The following COL6A1 variants were observed in gnomAD, a reference collection of about 807,000 sequenced individuals.
COL6A1 encodes collagen alpha-1(VI) chain.
COL6A1 carries 80 observed loss-of-function variants against 145.6 expected under a neutral mutation model. The observed-to-expected ratio is 0.55, with a 90% confidence interval of 0.46 to 0.66. The LOEUF is 0.66. COL6A1 is among the 30% of genes least tolerant of loss of function. The pLI is 0.00. For missense variants in COL6A1, 1,364 were observed against 1,473.8 expected, an observed-to-expected ratio of 0.93 and a Z score of 1.22; for synonymous variants, 638 against 622.8, an observed-to-expected ratio of 1.02 and a Z score of -0.36.
At chr21:45,999,542 C>T in intron 26 of COL6A1, 115 bp from the exon 27 acceptor site, 1 of 1,142,168 alleles carries the variant, frequency 8.8e-7, no homozygotes, top group Non-Finnish European at 1.3e-6. Context: ...TAGGGAGGGA[C>T]CGGGCAGGGG....
intron 17 of COL6A1, 30 bp downstream of exon 17, chr21:45,992,247 G>T (rs770548622): frequency 6.2e-7 from 1 of 1,613,660 alleles, no homozygotes; most frequent in East Asian, 2.2e-5. Context: ...ACCTTCCTGG[G>T]GAAGTGCATG....
chr21:46,004,986 CTG>C lies in COL6A1; in HGVS notation c.*977_*978del, dbSNP rs2077873042. On this transcript the variant is annotated 3_prime_UTR_variant, in exon 35 of 35. Transcript: ENST00000361866. The stretch of plus-strand genomic sequence containing the variant: ...TATGTTCATGTTAGTTTTGCTCCTT[CTG>C]TGTTTTTTTCTGAACCATATCCATG... The C allele has an allele frequency of 6.5e-6, 1 of 153,466 alleles. No homozygotes were observed. Among genetic ancestry groups the C allele is most frequent in the Non-Finnish European group, 1.5e-5 (1 of 68,698 alleles). 9.5% of individuals were successfully genotyped at this position (153,466 alleles called of 1,614,324 possible).
chr21:45,994,052 A>G lies in COL6A1; in HGVS notation c.1336-115A>G, dbSNP rs767276790. On this transcript the variant is annotated intron_variant, in intron 19 of 34. Transcript: ENST00000361866. The surrounding 1 kb of genome is among the most constrained non-coding windows in gnomAD (Gnocchi z 6.8). ...CAGGAAGGGGCTGTGCGGGGAGGGA[A>G]GGCCGGAACAGCCCAGTGACCACCT... 4 of 1,058,400 alleles carry G rather than the reference A, an allele frequency of 3.8e-6. No homozygotes were observed. The highest frequency in any genetic ancestry group is 5.7e-6 in the Non-Finnish European group (4 of 699,534). 65.6% of individuals were successfully genotyped at this position (1,058,400 alleles called of 1,614,324 possible). A position where few individuals can be genotyped will look rare whatever the true frequency, so the allele number is the denominator to read the frequency against.
intron 24 of COL6A1, among the ~76,000 whole-genome samples, chr21:45,998,668 C>A (rs1272983798): frequency 6.6e-6 from 1 of 152,204 alleles, no homozygotes; most frequent in African/African-American, 2.4e-5. Flanking sequence ...GCCCTGACTG[C>A]CCGGTGACCG....
In COL6A1 at chr21:46,000,706, G is replaced by T. The variant is rs370649253; in HGVS notation, c.1814-53G>T. 7.0e-4 allele frequency: 1,122 copies of T among 1,613,450 alleles called. 10 individuals are homozygous for T. In the African/African-American group the frequency reaches 0.013, roughly 19 times the overall value. ...CCCCAAGAGTAAAAGCCTTTCTGACGTGCGCAGGACGCGGCCCTGACTGGT... is the reference window on the plus strand; with the variant it reads ...CCCCAAGAGTAAAAGCCTTTCTGACTTGCGCAGGACGCGGCCCTGACTGGT... On this transcript the variant is annotated intron_variant, in intron 28 of 34. Coordinates refer to ENST00000361866, the MANE Select transcript of COL6A1 (RefSeq NM_001848.3).
At position 46,003,898 on chromosome 21, in the gene COL6A1, C is replaced by T. The variant is rs146202983; in HGVS notation, c.2972C>T (p.Thr991Met). 28 of 1,601,952 alleles carry T rather than the reference C, an allele frequency of 1.7e-5. No individual in the cohort carries two copies. Among genetic ancestry groups the T allele is most frequent in the African/African-American group, 6.7e-5 (5 of 74,890 alleles). ...PHIRVLVTGK[T>M]AEYDVAYGES... ...ATCCGCGTCCTGGTCACCGGCAAGA[C>T]GGCCGAGTACGACGTGGCCTACGGC... Residue 991 changes from threonine (T) to methionine (M), a missense_variant, in exon 35 of 35, where the codon ACG (threonine) becomes ATG (methionine). By Grantham distance (81) the Thr-to-Met change is moderately conservative. This residue lies in a region of COL6A1 where 938 missense variants were observed against 1,003.8 expected (regional missense o/e 0.93). Coordinates refer to ENST00000361866, the MANE Select transcript of COL6A1 (RefSeq NM_001848.3).
rs1250467579 is a variant in COL6A1 at position 45,994,997 on chromosome 21, C to T, written c.1398+768C>T. Among the ~76,000 whole-genome samples, 4 of 152,258 alleles carry T rather than the reference C, an allele frequency of 2.6e-5. No individual in the cohort carries two copies. The highest frequency in any genetic ancestry group is 5.9e-5 in the Non-Finnish European group (4 of 68,050). On this transcript the variant is annotated intron_variant, in intron 20 of 34. Coordinates refer to ENST00000361866, the MANE Select transcript of COL6A1 (RefSeq NM_001848.3). This position sits in a 1 kb window ranked among gnomAD's most constrained non-coding sequence, Gnocchi z 6.8. ...CGAGCACAAGGCCAGACCCTGGGCA[C>T]GGCAGCTGTCTCAGACGTCCAGCAA... is the stretch of plus-strand genomic sequence containing the variant.
chr21:45,986,758 G>T (rs1456190816), intron 4 of COL6A1, 73 bp downstream of exon 4: 2 of 1,528,208 alleles, frequency 1.3e-6, no homozygotes. Flanking sequence ...CGGCAGCTGG[G>T]ACCGTCTTTT....
chr21:45,990,647 G>A (rs1289789575), intron 13 of COL6A1, 126 bp from the exon 14 acceptor site: 1 of 885,252 alleles, frequency 1.1e-6, no homozygotes, highest in Non-Finnish European at 1.9e-6. Context: ...ACCCCAGGGG[G>A]GTGTCTGCTA....
chr21:46,001,522 C>G (rs1412743635), intron 30 of COL6A1, 136 bp downstream of exon 30: 3 of 1,234,916 alleles, frequency 2.4e-6, no homozygotes, highest in African/African-American at 2.9e-5. Context: ...GACAAGGATG[C>G]CAGGCACGCG....
intron 5 of COL6A1, 37 bp from the exon 6 acceptor site, chr21:45,987,118 G>T (rs1323312912): frequency 1.9e-6 from 3 of 1,584,230 alleles, no homozygotes; most frequent in Non-Finnish European, 2.6e-6. Flanking sequence ...GCGGCCGCAG[G>T]TGGAAAGTAA....
chr21:45,999,299 G>A, intron 26 of COL6A1, 81 bp downstream of exon 26: 1 of 1,381,430 alleles, frequency 7.2e-7, no homozygotes. Context: ...GCTGGAAGAG[G>A]CTGGGAGAGT....
In COL6A1 at chr21:45,994,301, A is replaced by C; in HGVS notation, c.1398+72A>C. 205 of 1,373,534 alleles carry C rather than the reference A, an allele frequency of 1.5e-4. No homozygotes were observed. The highest frequency in any genetic ancestry group is 1.9e-4 in the Non-Finnish European group (190 of 983,094). 85.1% of individuals were successfully genotyped at this position (1,373,534 alleles called of 1,614,324 possible). ...GGGGGTAGAAGTGCTCCAGCAGCTC[A>C]CGCACTGGGGGTCTGTTCATTTCCG... On this transcript the variant is annotated intron_variant, in intron 20 of 34. Transcript: ENST00000361866. This position sits in a 1 kb window ranked among gnomAD's most constrained non-coding sequence, Gnocchi z 6.8.
intron 4 of COL6A1, 80 bp from the exon 5 acceptor site, chr21:45,986,864 T>TC: frequency 6.5e-7 from 1 of 1,531,694 alleles, no homozygotes; most frequent in South Asian, 1.2e-5. Flanking sequence ...CAGCCCAGCC[T>TC]CCCCTCTGGC....
chr21:45,984,234 G>A lies in COL6A1; in HGVS notation c.228-35G>A, dbSNP rs753899785. On this transcript the variant is annotated intron_variant, in intron 2 of 34. Transcript: ENST00000361866. Reference sequence around the variant, plus strand: ...ACGGGTAGCGATGGCGCCAGGGGCCGCCCGCCTCACGCCCGCCGTGCCTGT... The same window carrying A: ...ACGGGTAGCGATGGCGCCAGGGGCCACCCGCCTCACGCCCGCCGTGCCTGT... 26 of 1,571,470 alleles carry A rather than the reference G, an allele frequency of 1.7e-5. 1 individual carries two copies. The highest frequency in any genetic ancestry group is 1.9e-4 in the Middle Eastern group (1 of 5,348).
chr21:45,991,061 T>A lies in COL6A1; in HGVS notation c.1119+20T>A. The stretch of plus-strand genomic sequence containing the variant: ...GAAAAGGTGAGTGACTTGCGGCCCC[T>A]GGAGGACCAGGGCCTTCACGGTTGG... On this transcript the variant is annotated intron_variant, in intron 15 of 34. Coordinates refer to ENST00000361866, the MANE Select transcript of COL6A1 (RefSeq NM_001848.3). 6.2e-7 allele frequency: 1 copy of A among 1,612,570 alleles called. No individual in the cohort carries two copies. The highest frequency in any genetic ancestry group is 8.5e-7 in the Non-Finnish European group (1 of 1,179,464).
intron 30 of COL6A1, 114 bp from the exon 31 acceptor site, chr21:46,001,847 G>A (rs1183247685): frequency 1.2e-6 from 1 of 868,554 alleles, no homozygotes; most frequent in Non-Finnish European, 1.8e-6. Flanking sequence ...CAGGTCCTGA[G>A]GTCCTGGGGG....
chr21:45,999,758 TC>T (rs1253748234), intron 27 of COL6A1, 66 bp downstream of exon 27: 1 of 1,285,120 alleles, frequency 7.8e-7, no homozygotes, highest in Non-Finnish European at 1.1e-6. Flanking sequence ...GGGGTGTGGG[TC>T]CTGTCCATGG....
intron 8 of COL6A1, 37 bp downstream of exon 8, chr21:45,987,691 G>C (rs1398368110): frequency 6.3e-7 from 1 of 1,589,792 alleles, no homozygotes; most frequent in Admixed American, 1.7e-5. Context: ...TGTGTTGTGG[G>C]GCCTGGGAGT....
Sources: allele counts gnomAD v4.1 joint callset (sites outside exome capture counted in the v4.1 genomes callset), GRCh38; gene constraint gnomAD v4.1.1; regional missense constraint gnomAD v4.1.1; non-coding constraint Gnocchi (gnomAD v3.1); transcripts MANE v1.5; gene names NCBI Gene and HGNC (gene_info 2026-07-23, HGNC 2026-07-21).